Variants in GALNTL6 observed in about 807,000 individuals in gnomAD.
The protein encoded by GALNTL6 is polypeptide N-acetylgalactosaminyltransferase-like 6.
Under a neutral mutation model 73.7 loss-of-function variants are expected in GALNTL6, and 46 were observed. That is an observed-to-expected ratio of 0.62 (90% confidence interval 0.49 to 0.80). The LOEUF is 0.80. Among genes scored for constraint, GALNTL6 ranks in the 30% least tolerant of loss-of-function variants. GALNTL6 has a pLI of 0.00. For synonymous variants in GALNTL6, 259 were observed against 263.7 expected (o/e 0.98, Z 0.17); for missense variants, 604 against 755.0 (o/e 0.80, Z 2.34).
At chr4:172,380,378 A>G in intron 5 of GALNTL6, 2 of 672,658 alleles carry the variant, frequency 3.0e-6, no homozygotes, top group South Asian at 2.8e-5. Flanking sequence ...GGCAATGACC[A>G]CATGAAAATA....
chr4:171,961,624 G>A (rs1270594571), intron 2 of GALNTL6, among the ~76,000 whole-genome samples: 1 of 152,112 alleles, frequency 6.6e-6, no homozygotes, highest in East Asian at 1.9e-4. Flanking sequence ...AATAAATTAT[G>A]TTTCAAAACT....
At chr4:172,769,049 A>G (rs1738605494) in intron 5 of GALNTL6, among the ~76,000 whole-genome samples, 1 of 152,104 alleles carries the variant, frequency 6.6e-6, no homozygotes, top group Non-Finnish European at 1.5e-5. Flanking sequence ...ATATATTTAA[A>G]GTAGGATTGT....
chr4:173,038,665 C>T (rs1433590861), intron 12 of GALNTL6, among the ~76,000 whole-genome samples: 1 of 152,196 alleles, frequency 6.6e-6, no homozygotes, highest in African/African-American at 2.4e-5. Context: ...TAGAAACAGG[C>T]AAACTAAATT....
intron 5 of GALNTL6, among the ~76,000 whole-genome samples, chr4:172,771,579 T>C (rs1738762830): frequency 6.6e-6 from 1 of 152,228 alleles, no homozygotes; most frequent in Non-Finnish European, 1.5e-5. Context: ...TGTAAATTGC[T>C]GTTTGTCTCT....
At chr4:172,609,251 G>A (rs1216414569) in intron 5 of GALNTL6, among the ~76,000 whole-genome samples, 1 of 152,034 alleles carries the variant, frequency 6.6e-6, no homozygotes, top group Non-Finnish European at 1.5e-5. Flanking sequence ...TCTAGATTTT[G>A]CCCATTCATT....
intron 9 of GALNTL6, among the ~76,000 whole-genome samples, chr4:172,934,572 C>T (rs1358605843): frequency 6.6e-6 from 1 of 152,142 alleles, no homozygotes; most frequent in East Asian, 1.9e-4. Flanking sequence ...TGGGAATAAG[C>T]GTATTCACTT....
intron 7 of GALNTL6, among the ~76,000 whole-genome samples, chr4:172,873,586 T>C (rs1277688090): frequency 1.3e-5 from 2 of 152,214 alleles, no homozygotes; most frequent in Non-Finnish European, 1.5e-5. Flanking sequence ...CAGGTAGAAG[T>C]AGAACACAAC....
intron 2 of GALNTL6, among the ~76,000 whole-genome samples, chr4:171,994,824 A>G (rs1052837440): frequency 9.9e-5 from 15 of 152,082 alleles, no homozygotes; most frequent in Non-Finnish European, 1.8e-4. Context: ...TGGAAGCAAA[A>G]AAACTAGAAT....
chr4:171,930,436 A>G (rs1578982381), intron 2 of GALNTL6, among the ~76,000 whole-genome samples: 1 of 152,196 alleles, frequency 6.6e-6, no homozygotes, highest in Non-Finnish European at 1.5e-5. Flanking sequence ...AGTCTCAACA[A>G]AGTAGACATA....
At chr4:172,480,812 T>C (rs769157075) in intron 5 of GALNTL6, among the ~76,000 whole-genome samples, 9 of 152,162 alleles carry the variant, frequency 5.9e-5, no homozygotes, top group Non-Finnish European at 1.0e-4. Context: ...CTAGCTGTAG[T>C]TCAAGTTGGC....
intron 5 of GALNTL6, among the ~76,000 whole-genome samples, chr4:172,480,048 G>C (rs1456388876): frequency 6.6e-6 from 1 of 152,124 alleles, no homozygotes; most frequent in East Asian, 1.9e-4. Context: ...GGCCAGGCTG[G>C]GTACAGTGGC....
intron 9 of GALNTL6, among the ~76,000 whole-genome samples, chr4:172,940,323 T>G (rs569420173): frequency 7.2e-5 from 11 of 152,046 alleles, no homozygotes; most frequent in Non-Finnish European, 1.5e-4. Flanking sequence ...CTAATTCCAC[T>G]TCCCAACTAG....
rs1376416985 is a variant in GALNTL6, at chr4:172,433,239, T to A, written c.553+84550T>A. ...TCTATTTTAAGCTTCCCTACTCAGCTTCATTGTTCATCTGGTTGTTAAGCA... is the reference window on the plus strand; with the variant it reads ...TCTATTTTAAGCTTCCCTACTCAGCATCATTGTTCATCTGGTTGTTAAGCA... On this transcript the variant is annotated intron_variant, in intron 5 of 12. Coordinates refer to ENST00000506823, the MANE Select transcript of GALNTL6 (RefSeq NM_001034845.3). 3.9e-5 allele frequency among the ~76,000 whole-genome samples: 6 copies of A among 152,138 alleles called. No homozygotes were observed. In the East Asian group the frequency reaches 9.6e-4, roughly 24 times the overall value.
At chr4:172,748,743 C>G (rs11722378) in intron 5 of GALNTL6, among the ~76,000 whole-genome samples, 67,938 of 151,944 alleles carry the variant, frequency 0.45, 17,625 homozygotes, top group East Asian at 0.68. Context: ...TTCAAAATAG[C>G]TAAAAGAGAG....
At chr4:172,282,254 G>A (rs1739087040) in intron 3 of GALNTL6, among the ~76,000 whole-genome samples, 1 of 152,108 alleles carries the variant, frequency 6.6e-6, no homozygotes, top group African/African-American at 2.4e-5. Flanking sequence ...GAGATATTCA[G>A]ATATCCACGT....
At chr4:172,489,638 T>C (rs1279668536) in intron 5 of GALNTL6, among the ~76,000 whole-genome samples, 1 of 152,200 alleles carries the variant, frequency 6.6e-6, no homozygotes, top group Non-Finnish European at 1.5e-5. Flanking sequence ...GTCATAGAAT[T>C]CCTGGCATTA....
At chr4:171,911,258 C>A (rs907106205) in intron 2 of GALNTL6, among the ~76,000 whole-genome samples, 2 of 152,208 alleles carry the variant, frequency 1.3e-5, no homozygotes, top group Admixed American at 1.3e-4. Context: ...CTCCCAGGCT[C>A]TGTCAAGCCT....
chr4:172,636,266 T>C (rs1739674386), intron 5 of GALNTL6, among the ~76,000 whole-genome samples: 1 of 152,192 alleles, frequency 6.6e-6, no homozygotes, highest in Non-Finnish European at 1.5e-5. Context: ...GTTTATCTTA[T>C]TGATAACTGC....
chr4:172,744,570 T>C (rs888496100), intron 5 of GALNTL6, among the ~76,000 whole-genome samples: 21 of 152,110 alleles, frequency 1.4e-4, no homozygotes, highest in Admixed American at 1.4e-3. Context: ...ATAAATAAAG[T>C]AATAAGTTAG....
Sources: gnomAD v4.1 joint callset for allele counts (sites outside exome capture counted in the v4.1 genomes callset) on GRCh38, gnomAD v4.1.1 for gene constraint, MANE v1.5 for transcripts, NCBI Gene and HGNC (gene_info 2026-07-23, HGNC 2026-07-21) for gene names.